The following CNTN5 variants were observed in gnomAD, a reference collection of about 807,000 sequenced individuals.
The protein encoded by CNTN5 is contactin 5.
CNTN5 carries 77 observed loss-of-function variants against 129.1 expected under a neutral mutation model. The ratio of observed to expected loss-of-function variants is 0.60; its 90% confidence interval spans 0.50 to 0.72. The LOEUF (loss-of-function observed/expected upper bound fraction) is 0.72. Among genes scored for constraint, CNTN5 ranks in the 30% least tolerant of loss-of-function variants. CNTN5 has a pLI of 0.00. For synonymous variants in CNTN5, 509 were observed against 465.6 expected (o/e 1.09, Z -1.20); for missense variants, 1,478 against 1,328.8 (o/e 1.11, Z -1.75).
chr11:100,193,677 C>G lies in CNTN5; in HGVS notation c.1884+14C>G, dbSNP rs201907630. ...AGCATCAGGGCCGTAAGTGAATACA[C>G]TTTTATTCTTTTAGTAATGATAACT... On this transcript the variant is annotated intron_variant, in intron 15 of 24. Transcript: ENST00000524871. 1 of 1,600,720 alleles carries G rather than the reference C, an allele frequency of 6.2e-7. No homozygotes were observed.
intron 1 of CNTN5, among the ~76,000 whole-genome samples, chr11:99,065,422 C>T (rs537969829): frequency 6.6e-6 from 1 of 152,232 alleles, no homozygotes; most frequent in South Asian, 2.1e-4. Context: ...GCACAGAAGT[C>T]TTGAGATTAG....
chr11:99,387,507 T>C (rs1326353402), intron 2 of CNTN5, among the ~76,000 whole-genome samples: 3 of 152,210 alleles, frequency 2.0e-5, no homozygotes, highest in Non-Finnish European at 4.4e-5. Flanking sequence ...CCATTTATTA[T>C]AAGTAACAAT....
At position 99,882,326 on chromosome 11, in the gene CNTN5, A is replaced by G. The variant is rs139646639; in HGVS notation, c.578-33728A>G. On this transcript the variant is annotated intron_variant, in intron 6 of 24. Transcript: ENST00000524871. The stretch of plus-strand genomic sequence containing the variant: ...GCTGGACTTGCATGAAGTGGGATGA[A>G]TTTATAAGAGCACACTCACTGCCAG... Among the ~76,000 whole-genome samples, 1,030 of 152,254 alleles carry G rather than the reference A, an allele frequency of 6.8e-3. 12 individuals are homozygous for G. Among genetic ancestry groups the G allele is most frequent in the African/African-American group, 0.024 (982 of 41,546 alleles).
rs780350642 is a variant in CNTN5 at position 100,061,408 on chromosome 11, C to G, written c.1162+15C>G. ...ACAAGTATACAGTAAGTGTTTTCAG[C>G]AAAGCATGATTGCTCTAGTCCCAAA... On this transcript the variant is annotated intron_variant, in intron 10 of 24. Transcript: ENST00000524871. 6.6e-7 allele frequency: 1 copy of G among 1,526,608 alleles called. No homozygotes were observed. Among genetic ancestry groups the G allele is most frequent in the South Asian group, 1.3e-5 (1 of 79,924 alleles). The allele number at this position is 1,526,608 out of a possible 1,614,324, so 94.6% of individuals were successfully genotyped here.
chr11:99,757,395 T>G (rs891459098), intron 3 of CNTN5, among the ~76,000 whole-genome samples: 1 of 152,020 alleles, frequency 6.6e-6, no homozygotes, highest in African/African-American at 2.4e-5. Flanking sequence ...TAGCTCTGTT[T>G]CTATATTTTC....
chr11:99,703,227 GT>G (rs34131042), intron 3 of CNTN5, among the ~76,000 whole-genome samples: 17,545 of 121,590 alleles, frequency 0.14, 777 homozygotes, highest in East Asian at 0.26. Context: ...GGTATTTGGG[GT>G]TTTTTTTTTT....
chr11:99,421,963 T>G (rs780841491), intron 2 of CNTN5, among the ~76,000 whole-genome samples: 2 of 152,214 alleles, frequency 1.3e-5, no homozygotes, highest in African/African-American at 2.4e-5. Flanking sequence ...AATGTCAACC[T>G]GAAAAGAACT....
intron 15 of CNTN5, among the ~76,000 whole-genome samples, chr11:100,216,107 T>C (rs189911980): frequency 1.3e-5 from 2 of 152,224 alleles, no homozygotes; most frequent in East Asian, 1.9e-4. Context: ...TCCCAAGATT[T>C]TGGATTTTTC....
chr11:100,104,479 T>G (rs2138078368), intron 13 of CNTN5, among the ~76,000 whole-genome samples: 1 of 152,248 alleles, frequency 6.6e-6, no homozygotes, highest in South Asian at 2.1e-4. Flanking sequence ...ATATAATAAC[T>G]ATCTTTTGTT....
intron 1 of CNTN5, among the ~76,000 whole-genome samples, chr11:99,087,157 T>C (rs1437721686): frequency 3.3e-5 from 5 of 152,200 alleles, no homozygotes; most frequent in Admixed American, 1.3e-4. Context: ...GCCAAGCACA[T>C]AGATTTAGAA....
chr11:99,861,726 C>A (rs185027651), intron 6 of CNTN5, among the ~76,000 whole-genome samples: 9 of 152,298 alleles, frequency 5.9e-5, no homozygotes, highest in Admixed American at 5.9e-4. Context: ...TGTAATTTAA[C>A]TTGGTTTTAG....
intron 1 of CNTN5, among the ~76,000 whole-genome samples, chr11:99,301,529 A>G (rs1392317598): frequency 6.6e-6 from 1 of 151,988 alleles, no homozygotes; most frequent in African/African-American, 2.4e-5. Flanking sequence ...GTATCAATTC[A>G]TCAGGAAGAT....
At chr11:99,904,528 A>G (rs1231848517) in intron 6 of CNTN5, among the ~76,000 whole-genome samples, 4 of 152,114 alleles carry the variant, frequency 2.6e-5, no homozygotes, top group African/African-American at 9.7e-5. Context: ...CATTTTCTGT[A>G]TCCAGTCTAT....
At chr11:99,189,412 G>C (rs1400497160) in intron 1 of CNTN5, among the ~76,000 whole-genome samples, 1 of 151,508 alleles carries the variant, frequency 6.6e-6, no homozygotes, top group Non-Finnish European at 1.5e-5. Context: ...GAGTGGGATT[G>C]CTTGGTCATA....
chr11:99,522,477 G>A (rs973738545), intron 2 of CNTN5, among the ~76,000 whole-genome samples: 6 of 151,946 alleles, frequency 3.9e-5, no homozygotes, highest in Non-Finnish European at 8.8e-5. Flanking sequence ...ACAAGTAACG[G>A]TATTCTAGGA....
intron 3 of CNTN5, among the ~76,000 whole-genome samples, chr11:99,716,224 G>A (rs1955215952): frequency 6.6e-6 from 1 of 151,994 alleles, no homozygotes; most frequent in South Asian, 2.1e-4. Context: ...TCCTGTTGGA[G>A]TACTGTGCCC....
intron 18 of CNTN5, among the ~76,000 whole-genome samples, chr11:100,291,030 G>C (rs919803860): frequency 2.0e-5 from 3 of 149,480 alleles, no homozygotes; most frequent in African/African-American, 7.3e-5. Flanking sequence ...CTGGCCATCA[G>C]AGAAATGCAA....
At chr11:99,611,056 G>A (rs2135730245) in intron 3 of CNTN5, among the ~76,000 whole-genome samples, 1 of 152,166 alleles carries the variant, frequency 6.6e-6, no homozygotes, top group Admixed American at 6.5e-5. Flanking sequence ...CAAAGTAAAG[G>A]TCTCCATTCA....
chr11:99,197,652 AC>A (rs1858971031), intron 1 of CNTN5, among the ~76,000 whole-genome samples: 1 of 152,128 alleles, frequency 6.6e-6, no homozygotes, highest in Non-Finnish European at 1.5e-5. Context: ...CAAGAATGTC[AC>A]CCTGACTTCC....
Sources: gnomAD v4.1 joint callset for allele counts (sites outside exome capture counted in the v4.1 genomes callset) on GRCh38, gnomAD v4.1.1 for gene constraint, MANE v1.5 for transcripts, NCBI Gene and HGNC (gene_info 2026-07-23, HGNC 2026-07-21) for gene names.